Variants in URGCP observed in about 807,000 individuals in gnomAD.
URGCP encodes the protein up-regulator of cell proliferation.
Under a neutral mutation model 24.6 loss-of-function variants are expected in URGCP, and 13 were observed. That is an observed-to-expected ratio of 0.53 (90% CI 0.34 to 0.84). The LOEUF is 0.84. Among genes scored for constraint, URGCP ranks in the 40% least tolerant of loss-of-function variants. The pLI is 0.01. For synonymous variants in URGCP, 444 were observed against 487.2 expected (o/e 0.91, Z 1.17); for missense variants, 899 against 1,194.3 (o/e 0.75, Z 3.64).
Position 43,878,996 on chromosome 7 carries a change from A to G in URGCP, c.467T>C (p.Ile156Thr). The G allele has an allele frequency of 6.2e-7, 1 of 1,614,226 alleles. No individual in the cohort carries two copies. Among genetic ancestry groups the G allele is most frequent in the Non-Finnish European group, 8.5e-7 (1 of 1,180,042 alleles). Reference protein sequence around the residue: ...EKESQMEEEIIYWDPADDLAA... With the variant: ...EKESQMEEEITYWDPADDLAA... ...AAGGTCATCAGCTGGGTCCCAGTAG[A>G]TGATCTCCTCTTCCATCTGGCTCTC... Residue 156 changes from isoleucine to threonine, a missense_variant, in exon 6 of 6, where the codon ATC (isoleucine) becomes ACC (threonine). By Grantham distance (89) the Ile-to-Thr change is moderately conservative. Coordinates refer to ENST00000453200, the MANE Select transcript of URGCP (RefSeq NM_001077663.3). This position sits in a 1 kb window ranked among gnomAD's most constrained non-coding sequence, Gnocchi z 5.6.
At chr7:43,896,530 G>A (rs561909944) in intron 1 of URGCP, among the ~76,000 whole-genome samples, 5 of 151,810 alleles carry the variant, frequency 3.3e-5, no homozygotes, top group South Asian at 4.2e-4. Flanking sequence ...ATTCTGTAGG[G>A]TGAATATGGT....
chr7:43,920,029 CT>C, intron 1 of URGCP: 2 of 1,320,842 alleles, frequency 1.5e-6, no homozygotes, highest in Non-Finnish European at 1.1e-6. Flanking sequence ...CATGGCCAGA[CT>C]ACATCTCCTG....
chr7:43,909,342 C>G (rs1460341972), upstream of URGCP, among the ~76,000 whole-genome samples: 1 of 152,196 alleles, frequency 6.6e-6, no homozygotes, highest in Non-Finnish European at 1.5e-5. Context: ...AGATTGCCTT[C>G]CCAGCACAAT....
At chr7:43,886,399 T>C (rs1277487593) in intron 3 of URGCP, among the ~76,000 whole-genome samples, 2 of 152,046 alleles carry the variant, frequency 1.3e-5, no homozygotes, top group East Asian at 1.9e-4. Context: ...AGTTAAAACA[T>C]AGTTTATTTT....
intron 1 of URGCP, among the ~76,000 whole-genome samples, chr7:43,890,366 G>A (rs957714223): frequency 6.0e-5 from 9 of 150,274 alleles, no homozygotes; most frequent in African/African-American, 2.2e-4. Flanking sequence ...AGGCGCCCAC[G>A]ACCACGCCCG....
chr7:43,882,987 GA>G lies in URGCP; in HGVS notation c.113-1031del, dbSNP rs2095856224. Among the ~76,000 whole-genome samples, 3 of 152,000 alleles carry G rather than the reference GA, an allele frequency of 2.0e-5. No homozygotes were observed. The South Asian group carries it at 6.2e-4, about 32-fold the overall frequency. On this transcript the variant is annotated intron_variant, in intron 3 of 5. Transcript: ENST00000453200. ...TCACTTAAAATTGAAATGTACATCA[GA>G]GCACAAATACACAGAGGTGAGGTGC...
At chr7:43,908,045 AG>A (rs2095906083), upstream of URGCP, among the ~76,000 whole-genome samples, 2 of 152,204 alleles carry the variant, frequency 1.3e-5, no homozygotes, top group Admixed American at 1.3e-4. Context: ...GCCTGATTCA[AG>A]GGAGTAATGA....
intron 1 of URGCP, among the ~76,000 whole-genome samples, chr7:43,892,100 TAG>T (rs892588459): frequency 5.3e-5 from 8 of 151,960 alleles, no homozygotes; most frequent in African/African-American, 1.5e-4. Context: ...GTATTTTTTA[TAG>T]AGACAGGGTT....
At chr7:43,881,615 C>A (rs776684279) in intron 5 of URGCP, 44 bp downstream of exon 5, 4 of 1,613,146 alleles carry the variant, frequency 2.5e-6, no homozygotes, top group Non-Finnish European at 2.5e-6. Context: ...TAGATGATAA[C>A]CCCCTTTCAT....
chr7:43,919,428 C>T (rs775183980), intron 1 of URGCP: 7 of 904,630 alleles, frequency 7.7e-6, no homozygotes, highest in South Asian at 5.2e-5. Flanking sequence ...CATCACCCTG[C>T]GCTACCCCAG....
At chr7:43,910,284 TG>T (rs1332788529), upstream of URGCP, among the ~76,000 whole-genome samples, 1 of 151,996 alleles carries the variant, frequency 6.6e-6, no homozygotes, top group East Asian at 1.9e-4. Context: ...GATGCAGTCA[TG>T]GCCCACTGCA....
intron 5 of URGCP, among the ~76,000 whole-genome samples, chr7:43,880,577 G>C (rs1037703150): frequency 3.9e-4 from 60 of 152,248 alleles, no homozygotes; most frequent in African/African-American, 1.4e-3. Flanking sequence ...GAGGAGCTGG[G>C]ACTACAGGTG....
chr7:43,918,261 T>TC, intron 1 of URGCP, among the ~76,000 whole-genome samples: 1 of 113,290 alleles, frequency 8.8e-6, no homozygotes, highest in South Asian at 2.7e-4. Flanking sequence ...GCAATAGACC[T>TC]CAAAAAAAAA....
chr7:43,883,356 A>ATTTTTT (rs1426251879), intron 3 of URGCP, among the ~76,000 whole-genome samples: 2 of 96,836 alleles, frequency 2.1e-5, no homozygotes, highest in Admixed American at 1.1e-4. Flanking sequence ...ATATATATAT[A>ATTTTTT]TATATATTTT....
At chr7:43,907,794 C>G (rs188617655), upstream of URGCP, among the ~76,000 whole-genome samples, 14 of 152,272 alleles carry the variant, frequency 9.2e-5, no homozygotes, top group East Asian at 2.5e-3. Flanking sequence ...TGTTAGTAAA[C>G]ATTGCGTGAT....
chr7:43,906,311 C>T (rs1380479893), intron 1 of URGCP: 1 of 182,662 alleles, frequency 5.5e-6, no homozygotes, highest in Non-Finnish European at 1.0e-5. Flanking sequence ...GCCCGCGTAC[C>T]CGGACCCCCG....
chr7:43,878,608 C>T lies in URGCP; in HGVS notation c.855G>A (p.Pro285=), dbSNP rs766445999. The T allele has an allele frequency of 8.1e-6, 13 of 1,613,790 alleles. No homozygotes were observed. The highest frequency in any genetic ancestry group is 2.2e-5 in the East Asian group (1 of 44,894). Residue 285 remains proline (P), a synonymous_variant, in exon 6 of 6, where the codon CCG becomes CCA. Coordinates refer to ENST00000453200, the MANE Select transcript of URGCP (RefSeq NM_001077663.3). The surrounding 1 kb of genome is among the most constrained non-coding windows in gnomAD (Gnocchi z 5.6). ...AGAAGCAGTCCCACTGCCTGTGGCC[C>T]GGGCTGAGGACGGCGTTGAGAAGCT... ...KSQLLNAVLS[P]GHRQWDCFWH... is the part of the protein sequence containing the mutation.
chr7:43,914,069 A>G (rs1322084298), intron 1 of URGCP, among the ~76,000 whole-genome samples: 1 of 152,166 alleles, frequency 6.6e-6, no homozygotes, highest in Non-Finnish European at 1.5e-5. Flanking sequence ...GCGTGATATT[A>G]GCTCAAGCTG....
chr7:43,887,307 G>T, intron 3 of URGCP, 108 bp downstream of exon 3: 1 of 1,292,444 alleles, frequency 7.7e-7, no homozygotes, highest in Non-Finnish European at 1.1e-6. Context: ...ATTTATTTTT[G>T]AGATGCACAA....
Sources: allele counts gnomAD v4.1 joint callset (sites outside exome capture counted in the v4.1 genomes callset), GRCh38; gene constraint gnomAD v4.1.1; non-coding constraint Gnocchi (gnomAD v3.1); transcripts MANE v1.5; gene names NCBI Gene and HGNC (gene_info 2026-07-23, HGNC 2026-07-21).